The following SNX24 variants were observed in gnomAD, a reference collection of about 807,000 sequenced individuals.
The protein encoded by SNX24 is sorting nexin 24.
Under a neutral mutation model 28.7 loss-of-function variants are expected in SNX24, and 22 were observed. That is an observed-to-expected ratio of 0.77 (90% CI 0.55 to 1.10). SNX24 has a LOEUF of 1.10. SNX24 is among the 50% of genes least tolerant of loss of function. The probability of loss-of-function intolerance (pLI) is 0.00; values close to 1 mark genes in which losing one functional copy is unlikely to be tolerated. For synonymous variants in SNX24, 69 were observed against 71.5 expected, an observed-to-expected ratio of 0.96 and a Z score of 0.18; for missense variants, 221 against 201.1, an observed-to-expected ratio of 1.10 and a Z score of -0.60.
chr5:122,872,195 G>A (rs979908825), intron 1 of SNX24, among the ~76,000 whole-genome samples: 2 of 151,014 alleles, frequency 1.3e-5, no homozygotes, highest in Admixed American at 1.3e-4. Flanking sequence ...TATAAAAGCA[G>A]TATATCAAAA....
At chr5:122,878,694 G>A (rs993047174) in intron 1 of SNX24, among the ~76,000 whole-genome samples, 5 of 152,152 alleles carry the variant, frequency 3.3e-5, no homozygotes, top group African/African-American at 7.2e-5. Flanking sequence ...AATGCTCACC[G>A]TTTGTGGTGG....
chr5:122,935,240 C>T (rs1759132377), intron 1 of SNX24, among the ~76,000 whole-genome samples: 1 of 152,108 alleles, frequency 6.6e-6, no homozygotes. Flanking sequence ...GGCTCTGTAG[C>T]CTATTAACCA....
chr5:122,900,649 G>A (rs930987975), intron 1 of SNX24, among the ~76,000 whole-genome samples: 3 of 152,008 alleles, frequency 2.0e-5, no homozygotes, highest in Non-Finnish European at 2.9e-5. Flanking sequence ...CACACCTATA[G>A]TCCCAGCTGC....
At chr5:122,885,175 G>T (rs1490205584) in intron 1 of SNX24, among the ~76,000 whole-genome samples, 1 of 152,106 alleles carries the variant, frequency 6.6e-6, no homozygotes, top group Non-Finnish European at 1.5e-5. Flanking sequence ...GGTGGGGTGG[G>T]GGTGTGTCCA....
intron 3 of SNX24, among the ~76,000 whole-genome samples, chr5:122,971,009 C>G (rs1450408894): frequency 2.0e-5 from 3 of 152,146 alleles, no homozygotes; most frequent in African/African-American, 4.8e-5. Flanking sequence ...CACACAATCA[C>G]AAGGTGAAGT....
At chr5:123,023,843 C>G (rs966611319) in intron 5 of SNX24, 1 of 1,607,224 alleles carries the variant, frequency 6.2e-7, no homozygotes, top group Non-Finnish European at 8.5e-7. Context: ...CACACCCCTG[C>G]CAAAGCATAT....
chr5:122,860,057 G>T (rs150187328), intron 1 of SNX24, among the ~76,000 whole-genome samples: 1,806 of 152,260 alleles, frequency 0.012, 29 homozygotes, highest in Middle Eastern at 0.027. Context: ...CTTTAGGATT[G>T]GGAGGGTCTG....
intron 5 of SNX24, among the ~76,000 whole-genome samples, chr5:123,024,905 C>T (rs543919619): frequency 6.6e-6 from 1 of 152,328 alleles, no homozygotes; most frequent in African/African-American, 2.4e-5. Flanking sequence ...GAGAGAGCTA[C>T]TTCAGGCACC....
chr5:122,880,260 A>C (rs1312825409), intron 1 of SNX24, among the ~76,000 whole-genome samples: 1 of 148,680 alleles, frequency 6.7e-6, no homozygotes, highest in Admixed American at 6.8e-5. Flanking sequence ...TGTTTCGGAG[A>C]CGTGTGCCAG....
chr5:122,891,692 T>TA (rs1756979946), intron 1 of SNX24, among the ~76,000 whole-genome samples: 1 of 152,340 alleles, frequency 6.6e-6, no homozygotes, highest in East Asian at 1.9e-4. Context: ...TATTAAAAAT[T>TA]ACATTGACTC....
intron 1 of SNX24, among the ~76,000 whole-genome samples, chr5:122,847,500 C>CTTTTTT (rs1274662856): frequency 8.1e-4 from 30 of 36,968 alleles, no homozygotes; most frequent in Admixed American, 4.3e-3. Flanking sequence ...ATCTCTCTCT[C>CTTTTTT]TCTTTTTTTT....
At chr5:122,905,485 C>A (rs1561574605) in intron 1 of SNX24, among the ~76,000 whole-genome samples, 1 of 152,126 alleles carries the variant, frequency 6.6e-6, no homozygotes, top group East Asian at 1.9e-4. Flanking sequence ...TTGAGCATCC[C>A]AAATTCAAAA....
chr5:122,991,606 C>T (rs1424410058), intron 3 of SNX24, among the ~76,000 whole-genome samples: 1 of 152,064 alleles, frequency 6.6e-6, no homozygotes, highest in African/African-American at 2.4e-5. Context: ...ATCACAGGCA[C>T]GTGCCACCTC....
At chr5:122,906,328 A>G (rs1757644977) in intron 1 of SNX24, among the ~76,000 whole-genome samples, 2 of 152,224 alleles carry the variant, frequency 1.3e-5, no homozygotes. Context: ...ACAAGATTGT[A>G]TTTAATAGTT....
At chr5:122,937,869 C>T (rs1251083641) in intron 2 of SNX24, among the ~76,000 whole-genome samples, 2 of 152,164 alleles carry the variant, frequency 1.3e-5, no homozygotes, top group Non-Finnish European at 2.9e-5. Flanking sequence ...GAGTCTGGGG[C>T]TCACTTCCTT....
intron 1 of SNX24, among the ~76,000 whole-genome samples, chr5:122,912,589 G>A (rs1757938521): frequency 6.6e-6 from 1 of 152,152 alleles, no homozygotes; most frequent in Non-Finnish European, 1.5e-5. Flanking sequence ...CATTCAGTAT[G>A]ATATTGGCTG....
chr5:123,021,012 C>T (rs1433455035), intron 5 of SNX24, among the ~76,000 whole-genome samples: 1 of 151,932 alleles, frequency 6.6e-6, no homozygotes, highest in Non-Finnish European at 1.5e-5. Context: ...CTCCCCTGCT[C>T]TGTTCATCTG....
chr5:123,028,576 G>A, intron 5 of SNX24: 1 of 464,204 alleles, frequency 2.2e-6, no homozygotes, highest in South Asian at 5.4e-5. Flanking sequence ...AAACAATCCT[G>A]CTTAAAATAA....
chr5:122,892,118 T>A (rs1756998814), intron 1 of SNX24, among the ~76,000 whole-genome samples: 1 of 152,236 alleles, frequency 6.6e-6, no homozygotes, highest in Non-Finnish European at 1.5e-5. Context: ...GGACATCTTA[T>A]ATTCATTCAG....
Sources: allele counts gnomAD v4.1 joint callset (sites outside exome capture counted in the v4.1 genomes callset), GRCh38; gene constraint gnomAD v4.1.1; transcripts MANE v1.5; gene names NCBI Gene and HGNC (gene_info 2026-07-23, HGNC 2026-07-21).